Variants in CD22 observed in about 807,000 individuals in gnomAD.
CD22 encodes the protein CD22 molecule.
In CD22, 51 loss-of-function variants were observed where a neutral mutation model predicts 94.7. That is an observed-to-expected ratio of 0.54 (90% CI 0.43 to 0.68). The LOEUF (loss-of-function observed/expected upper bound fraction) is 0.68. Ranked by LOEUF, CD22 falls within the 30% of genes least tolerant of loss-of-function variation. The pLI, the probability that CD22 is intolerant of heterozygous loss-of-function variation, is 0.00. For missense variants in CD22, 931 were observed against 1,060.4 expected (o/e 0.88, Z 1.69); for synonymous variants, 424 against 422.5 (o/e 1.00, Z -0.04).
At position 35,341,159 on chromosome 19, in the gene CD22, G is replaced by A; in HGVS notation, c.1507+21G>A. 1 of 1,613,128 alleles carries A rather than the reference G, an allele frequency of 6.2e-7. No individual in the cohort carries two copies. The highest frequency in any genetic ancestry group is 8.5e-7 in the Non-Finnish European group (1 of 1,179,154). On this transcript the variant is annotated intron_variant, in intron 7 of 13. Coordinates refer to ENST00000085219, the MANE Select transcript of CD22 (RefSeq NM_001771.4). The surrounding 1 kb of genome is among the most constrained non-coding windows in gnomAD (Gnocchi z 4.0). ...CCAGTGTGAGTCCCTGGGCTAGGCA[G>A]GGGGATCTGGGAGGTGGCCCGGCTG...
chr19:35,331,515 C>T (rs1047589263), intron 1 of CD22, among the ~76,000 whole-genome samples: 42 of 152,142 alleles, frequency 2.8e-4, no homozygotes, highest in Non-Finnish European at 5.4e-4. Context: ...AGGCTGCCCC[C>T]GCAGGGCTCT....
rs1239752321 is a variant in CD22, at chr19:35,337,713, G to A, written c.719-42G>A. On this transcript the variant is annotated intron_variant, in intron 4 of 13. Coordinates refer to ENST00000085219, the MANE Select transcript of CD22 (RefSeq NM_001771.4). This position sits in a 1 kb window ranked among gnomAD's most constrained non-coding sequence, Gnocchi z 4.4. ...ACTTTCCACACCCTCCACCCTCTGA[G>A]GATTCCCCGCCCCCTCCCCGACTGC... The A allele has an allele frequency of 6.5e-7, 1 of 1,546,892 alleles. No individual in the cohort carries two copies. Among genetic ancestry groups the A allele is most frequent in the Non-Finnish European group, 8.8e-7 (1 of 1,136,048 alleles).
chr19:35,346,127 T>C, intron 12 of CD22, 24 bp from the exon 13 acceptor site: 1 of 1,582,906 alleles, frequency 6.3e-7, no homozygotes, highest in Non-Finnish European at 8.7e-7. Context: ...TCATGCGTGG[T>C]CGTCTATCTG....
At position 35,341,312 on chromosome 19, in the gene CD22, G is replaced by A; in HGVS notation, c.1508-31G>A. On this transcript the variant is annotated intron_variant, in intron 7 of 13. Coordinates refer to ENST00000085219, the MANE Select transcript of CD22 (RefSeq NM_001771.4). The surrounding 1 kb of genome is among the most constrained non-coding windows in gnomAD (Gnocchi z 4.0). ...GGGACAGCAAAAGGGACAGGGAGCG[G>A]AGAGGTCAGCTTGGGACCCTTGCCC... The A allele has an allele frequency of 6.2e-7, 1 of 1,608,858 alleles. No homozygotes were observed. The highest frequency in any genetic ancestry group is 8.5e-7 in the Non-Finnish European group (1 of 1,176,544).
At chr19:35,334,375 T>C (rs2066688183) in intron 3 of CD22, among the ~76,000 whole-genome samples, 1 of 151,608 alleles carries the variant, frequency 6.6e-6, no homozygotes, top group Non-Finnish European at 1.5e-5. Flanking sequence ...TAATCATGCA[T>C]GGAGGAAGGA....
At chr19:35,340,128 C>T (rs16970232) in intron 6 of CD22, among the ~76,000 whole-genome samples, 8,282 of 152,222 alleles carry the variant, frequency 0.054, 571 homozygotes, top group African/African-American at 0.16. Flanking sequence ...TCCTGAGCAT[C>T]TCAGACAGCT....
chr19:35,332,608 C>G lies in CD22; in HGVS notation c.96C>G (p.Leu32=). ...SKWVFEHPET[L]YAWEGACVWI... ...GGGTTTTTGAGCACCCTGAAACCCT[C>G]TACGCCTGGGAGGGGGCCTGCGTCT... Residue 32 remains leucine, a synonymous_variant, in exon 3 of 14, where the codon CTC becomes CTG. Coordinates refer to ENST00000085219, the MANE Select transcript of CD22 (RefSeq NM_001771.4). 2 of 1,614,162 alleles carry G rather than the reference C, an allele frequency of 1.2e-6. No homozygotes were observed. The highest frequency in any genetic ancestry group is 4.5e-5 in the East Asian group (2 of 44,890).
chr19:35,344,149 T>C (rs1278604208), intron 9 of CD22, among the ~76,000 whole-genome samples: 1 of 150,118 alleles, frequency 6.7e-6, no homozygotes, highest in African/African-American at 2.4e-5. Flanking sequence ...TGAGCCAAGA[T>C]CTCACCACTG....
intron 9 of CD22, among the ~76,000 whole-genome samples, chr19:35,344,301 T>C (rs1192164629): frequency 6.6e-6 from 1 of 152,244 alleles, no homozygotes; most frequent in Non-Finnish European, 1.5e-5. Context: ...CATCCCATCA[T>C]ATAAAACCAT....
Position 35,343,785 on chromosome 19 carries a change from C to CA in CD22, c.2036-1038dup, listed in dbSNP as rs1486591779. Among the ~76,000 whole-genome samples the CA allele has an allele frequency of 3.9e-5, 6 of 152,146 alleles. No homozygotes were observed. In the East Asian group the frequency reaches 9.6e-4, roughly 24 times the overall value. ...CGAACAAACAAAACAATAACAACAA[C>CA]AAAAAAGAGTCTGAAAGCATATGGA... On this transcript the variant is annotated intron_variant, in intron 9 of 13. Transcript: ENST00000085219.
Position 35,341,307 on chromosome 19 carries a change from G to T in CD22, c.1508-36G>T. On this transcript the variant is annotated intron_variant, in intron 7 of 13. Transcript: ENST00000085219. The surrounding 1 kb of genome is among the most constrained non-coding windows in gnomAD (Gnocchi z 4.0). ...GCCTGGGGACAGCAAAAGGGACAGG[G>T]AGCGGAGAGGTCAGCTTGGGACCCT... 1 of 1,607,632 alleles carries T rather than the reference G, an allele frequency of 6.2e-7. No individual in the cohort carries two copies. Among genetic ancestry groups the T allele is most frequent in the Non-Finnish European group, 8.5e-7 (1 of 1,175,756 alleles).
chr19:35,344,248 A>G (rs568855645), intron 9 of CD22, among the ~76,000 whole-genome samples: 17 of 152,388 alleles, frequency 1.1e-4, no homozygotes, highest in African/African-American at 2.9e-4. Context: ...CCGAAGGCCA[A>G]AGGAAAACAT....
intron 11 of CD22, 182 bp from the exon 12 acceptor site, chr19:35,345,420 C>CA (rs61349223): frequency 0.066 from 10,140 of 154,732 alleles, 101 homozygotes; most frequent in South Asian, 0.085. Context: ...GACTCTGCCT[C>CA]AAAAAAAAAA....
chr19:35,341,357 G>T lies in CD22; in HGVS notation c.1522G>T (p.Val508Leu). 1 of 1,613,742 alleles carries T rather than the reference G, an allele frequency of 6.2e-7. No individual in the cohort carries two copies. Among genetic ancestry groups the T allele is most frequent in the Non-Finnish European group, 8.5e-7 (1 of 1,179,812 alleles). Residue 508 changes from valine (V) to leucine (L), a missense_variant, in exon 8 of 14, where the codon GTG (valine) becomes TTG (leucine). Coordinates refer to ENST00000085219, the MANE Select transcript of CD22 (RefSeq NM_001771.4). This position sits in a 1 kb window ranked among gnomAD's most constrained non-coding sequence, Gnocchi z 4.0. ...TTGCCCTCCAGATGCCCCCCGAGACGTGAGGGTCCGGAAAATCAAGCCCCT... is the reference window on the plus strand; with the variant it reads ...TTGCCCTCCAGATGCCCCCCGAGACTTGAGGGTCCGGAAAATCAAGCCCCT... ...ALNVQYAPRD[V>L]RVRKIKPLSE...
chr19:35,346,249 C>G lies in CD22; in HGVS notation c.2412+14C>G, dbSNP rs1340497183. ...AAGCGCCAAGTGGTAAGGAGGGTCT[C>G]CCCAGGTCTCCCCAGAGGGGCTGTG... On this transcript the variant is annotated intron_variant, in intron 13 of 13. Coordinates refer to ENST00000085219, the MANE Select transcript of CD22 (RefSeq NM_001771.4). The G allele has an allele frequency of 1.2e-6, 2 of 1,601,946 alleles. No homozygotes were observed. The highest frequency in any genetic ancestry group is 3.3e-5 in the Admixed American group (2 of 59,998).
Position 35,336,238 on chromosome 19 carries a change from G to C in CD22, c.615G>C (p.Lys205Asn). The change falls in exon 4 of 14, where the codon AAG (lysine) becomes AAC (asparagine). Residue 205 changes from lysine to asparagine, a missense_variant. Physicochemically the swap from Lys to Asn is moderately conservative, Grantham distance 94 (BLOSUM62 0). Coordinates refer to ENST00000085219, the MANE Select transcript of CD22 (RefSeq NM_001771.4). ...CTGTCTTCACCCGGAGCGAGCTCAAGTTCTCCCCACAGTGGAGTCACCATG... is the reference window on the plus strand; with the variant it reads ...CTGTCTTCACCCGGAGCGAGCTCAACTTCTCCCCACAGTGGAGTCACCATG... ...IKSVFTRSELKFSPQWSHHGK... is the reference protein window; with the variant it reads ...IKSVFTRSELNFSPQWSHHGK... 1 of 1,614,212 alleles carries C rather than the reference G, an allele frequency of 6.2e-7. No homozygotes were observed. The highest frequency in any genetic ancestry group is 8.5e-7 in the Non-Finnish European group (1 of 1,180,042).
intron 3 of CD22, among the ~76,000 whole-genome samples, chr19:35,334,785 G>C (rs1299978815): frequency 6.6e-6 from 1 of 152,138 alleles, no homozygotes; most frequent in African/African-American, 2.4e-5. Flanking sequence ...TCACTTAGAG[G>C]TGGTGGGAAT....
chr19:35,337,889 T>C lies in CD22; in HGVS notation c.853T>C (p.Ser285Pro). The change falls in exon 5 of 14, where the codon TCG becomes CCG. Residue 285 changes from serine (S) to proline (P), a missense_variant. By Grantham distance (74) the Ser-to-Pro change is moderately conservative. Transcript: ENST00000085219. This position sits in a 1 kb window ranked among gnomAD's most constrained non-coding sequence, Gnocchi z 4.4. ...TTVSWLKDGT[S>P]LKKQNTFTLN... ...GGTATCCTGGCTCAAGGATGGGACC[T>C]CGCTGAAGAAGCAGAATACATTCAC... 6.2e-7 allele frequency: 1 copy of C among 1,614,174 alleles called. No individual in the cohort carries two copies. Among genetic ancestry groups the C allele is most frequent in the Non-Finnish European group, 8.5e-7 (1 of 1,180,022 alleles).
In CD22 at chr19:35,338,235, T is replaced by C. The variant is rs1163617374; in HGVS notation, c.1053T>C (p.Phe351=). 2 of 1,614,102 alleles carry C rather than the reference T, an allele frequency of 1.2e-6. No individual in the cohort carries two copies. Among genetic ancestry groups the C allele is most frequent in the South Asian group, 1.1e-5 (1 of 91,088 alleles). The change falls in exon 6 of 14, where the codon TTT becomes TTC. Residue 351 remains phenylalanine, a synonymous_variant. Transcript: ENST00000085219. The part of the protein sequence containing the change: ...SPAVEGSQVE[F]LCMSLANPLP... ...CTGTGGAGGGAAGTCAAGTCGAGTT[T>C]CTTTGCATGTCACTGGCCAATCCTC...
Sources: gnomAD v4.1 joint callset for allele counts (sites outside exome capture counted in the v4.1 genomes callset) on GRCh38, gnomAD v4.1.1 for gene constraint, Gnocchi (gnomAD v3.1) non-coding constraint, MANE v1.5 for transcripts, NCBI Gene and HGNC (gene_info 2026-07-23, HGNC 2026-07-21) for gene names.